Variants in CARMIL3 observed in about 807,000 individuals in gnomAD.
CARMIL3 encodes the protein capping protein regulator and myosin 1 linker 3, also known as capping protein, Arp2/3 and myosin-I linker protein 3.
CARMIL3 carries 88 observed loss-of-function variants against 180.8 expected under a neutral mutation model. That is an observed-to-expected ratio of 0.49 (90% CI 0.41 to 0.58). CARMIL3 has a LOEUF of 0.58. Ranked by LOEUF, CARMIL3 falls within the 20% of genes least tolerant of loss-of-function variation. The pLI, the probability that CARMIL3 is intolerant of heterozygous loss-of-function variation, is 0.00. For missense variants in CARMIL3, 1,548 were observed against 1,787.0 expected (o/e 0.87, Z 2.41); for synonymous variants, 696 against 714.5 (o/e 0.97, Z 0.41).
Position 24,055,221 on chromosome 14 carries a change from G to A in CARMIL3, c.532-16G>A. The A allele has an allele frequency of 6.2e-7, 1 of 1,614,032 alleles. No individual in the cohort carries two copies. The highest frequency in any genetic ancestry group is 8.5e-7 in the Non-Finnish European group (1 of 1,179,900). ...GGAAGTGGGGAGCAGGTGTGAGCCA[G>A]TTCCACCTCTCCAAGGATGTGGACA... On this transcript the variant is annotated splice_polypyrimidine_tract_variant and intron_variant, in intron 7 of 39. Coordinates refer to ENST00000342740, the MANE Select transcript of CARMIL3 (RefSeq NM_138360.4).
intron 30 of CARMIL3, 67 bp from the exon 31 acceptor site, chr14:24,063,258 C>T: frequency 1.3e-6 from 2 of 1,592,672 alleles, no homozygotes; most frequent in Admixed American, 3.4e-5. Flanking sequence ...TTGATTTTTT[C>T]TCTGTCTCCC....
Position 24,055,682 on chromosome 14 carries a change from G to C in CARMIL3, c.682-19G>C. On this transcript the variant is annotated intron_variant, in intron 9 of 39. Coordinates refer to ENST00000342740, the MANE Select transcript of CARMIL3 (RefSeq NM_138360.4). The stretch of plus-strand genomic sequence containing the variant: ...TGCCCCCCTTGGCCCCTGATCACAA[G>C]ACCCCCCTCTGTCCTCAGGGCTCTG... 6.2e-7 allele frequency: 1 copy of C among 1,613,934 alleles called. No homozygotes were observed. Among genetic ancestry groups the C allele is most frequent in the Non-Finnish European group, 8.5e-7 (1 of 1,179,858 alleles).
chr14:24,061,057 G>A lies in CARMIL3; in HGVS notation c.2304+17G>A. 6.5e-7 allele frequency: 1 copy of A among 1,548,004 alleles called. No individual in the cohort carries two copies. Among genetic ancestry groups the A allele is most frequent in the Non-Finnish European group, 8.7e-7 (1 of 1,143,856 alleles). On this transcript the variant is annotated intron_variant, in intron 26 of 39. Coordinates refer to ENST00000342740, the MANE Select transcript of CARMIL3 (RefSeq NM_138360.4). This position sits in a 1 kb window ranked among gnomAD's most constrained non-coding sequence, Gnocchi z 4.1. ...GAGCTGCAGGCAAGTCCTGGAGGAGGGAGGAATCCATGGTGGGAACCTAGT... is the reference window on the plus strand; with the variant it reads ...GAGCTGCAGGCAAGTCCTGGAGGAGAGAGGAATCCATGGTGGGAACCTAGT...
Position 24,060,252 on chromosome 14 carries a change from G to C in CARMIL3, c.2058G>C (p.Glu686Asp). The C allele has an allele frequency of 6.2e-7, 1 of 1,614,136 alleles. No individual in the cohort carries two copies. Among genetic ancestry groups the C allele is most frequent in the Non-Finnish European group, 8.5e-7 (1 of 1,180,024 alleles). Residue 686 changes from glutamate to aspartate, a missense_variant, in exon 24 of 40, where the codon GAG (glutamate) becomes GAC (aspartate). Coordinates refer to ENST00000342740, the MANE Select transcript of CARMIL3 (RefSeq NM_138360.4). Reference sequence around the variant, plus strand: ...AGGGCCTGGTGACCAGCAGCGCCGAGCAAGTAAACGTTTCCCTCTGGGACA... The same window carrying C: ...AGGGCCTGGTGACCAGCAGCGCCGACCAAGTAAACGTTTCCCTCTGGGACA... Reference protein sequence around the residue: ...LQQGLVTSSAEQMLQRLCGRV... With the variant: ...LQQGLVTSSADQMLQRLCGRV...
chr14:24,053,633 T>A, intron 1 of CARMIL3, 76 bp from the exon 2 acceptor site: 1 of 1,088,116 alleles, frequency 9.2e-7, no homozygotes. Flanking sequence ...TGACCCTGCC[T>A]CTATCTGGAG....
chr14:24,058,587 T>C lies in CARMIL3; in HGVS notation c.1393-93T>C, dbSNP rs1010996341. 18 of 980,426 alleles carry C rather than the reference T, an allele frequency of 1.8e-5. No individual in the cohort carries two copies. The highest frequency in any genetic ancestry group is 2.6e-5 in the Non-Finnish European group (17 of 651,568). The allele number at this position is 980,426 out of a possible 1,614,324, so 60.7% of individuals were successfully genotyped here. A position where few individuals can be genotyped will look rare whatever the true frequency, so the allele number is the denominator to read the frequency against. Reference sequence around the variant, plus strand: ...TTTACACCCAGATCCTGGCATGACTTTGAGTTCTGGTGTGACTACTATATC... The same window carrying C: ...TTTACACCCAGATCCTGGCATGACTCTGAGTTCTGGTGTGACTACTATATC... On this transcript the variant is annotated intron_variant, in intron 17 of 39. Transcript: ENST00000342740. The surrounding 1 kb of genome is among the most constrained non-coding windows in gnomAD (Gnocchi z 6.4).
chr14:24,054,935 A>G lies in CARMIL3; in HGVS notation c.460+127A>G. On this transcript the variant is annotated intron_variant, in intron 6 of 39. Coordinates refer to ENST00000342740, the MANE Select transcript of CARMIL3 (RefSeq NM_138360.4). The surrounding 1 kb of genome is among the most constrained non-coding windows in gnomAD (Gnocchi z 5.1). Reference sequence around the variant, plus strand: ...TGCCTGAAGGACTCCCAGCTCCCAGACCTCAGGAAGTTCATGGCATAGCAA... The same window carrying G: ...TGCCTGAAGGACTCCCAGCTCCCAGGCCTCAGGAAGTTCATGGCATAGCAA... 4 of 1,378,242 alleles carry G rather than the reference A, an allele frequency of 2.9e-6. 1 individual carries two copies. Among genetic ancestry groups the G allele is most frequent in the Non-Finnish European group, 4.1e-6 (4 of 984,596 alleles). 85.4% of individuals were successfully genotyped at this position (1,378,242 alleles called of 1,614,324 possible). A position where few individuals can be genotyped will look rare whatever the true frequency, so the allele number is the denominator to read the frequency against.
intron 34 of CARMIL3, 80 bp from the exon 35 acceptor site, chr14:24,066,318 T>A (rs1225108024): frequency 6.7e-7 from 1 of 1,502,074 alleles, no homozygotes; most frequent in African/African-American, 1.4e-5. Flanking sequence ...GACATGGAGA[T>A]GCTAGAGCAG....
At chr14:24,066,348 G>A in intron 34 of CARMIL3, 50 bp from the exon 35 acceptor site, 1 of 1,599,930 alleles carries the variant, frequency 6.3e-7, no homozygotes, top group Non-Finnish European at 8.5e-7. Context: ...GTCAGCTGCA[G>A]TCCTGCCACA....
intron 14 of CARMIL3, among the ~76,000 whole-genome samples, chr14:24,057,495 A>C (rs1439847753): frequency 1.3e-5 from 2 of 152,104 alleles, no homozygotes; most frequent in Non-Finnish European, 2.9e-5. Context: ...TGGCTCCACC[A>C]GGGGAATGGA....
chr14:24,061,586 T>A lies in CARMIL3; in HGVS notation c.2394T>A (p.Asn798Lys), dbSNP rs1566541317. The change falls in exon 27 of 40, where the codon AAT becomes AAA. Residue 798 changes from asparagine to lysine, a missense_variant. Physicochemically the swap from Asn to Lys is moderately conservative, Grantham distance 94 (BLOSUM62 0). Transcript: ENST00000342740. The surrounding 1 kb of genome is among the most constrained non-coding windows in gnomAD (Gnocchi z 4.1). ...AGGGACACAACAAGATGCTGAGCAA[T>A]GTGGCGGAGCGTGTCACTGTGCCCC... ...VAEGHNKMLS[N>K]VAERVTVPRN... is the part of the protein sequence containing the mutation. 8 of 1,613,834 alleles carry A rather than the reference T, an allele frequency of 5.0e-6. No homozygotes were observed. Among genetic ancestry groups the A allele is most frequent in the Non-Finnish European group, 6.8e-6 (8 of 1,179,986 alleles).
rs1350845578 is a variant in CARMIL3, at chr14:24,056,931, C to T, written c.969C>T (p.Gly323=). The change falls in exon 13 of 40, where the codon GGC becomes GGT. Residue 323 remains glycine (G), a synonymous_variant. Coordinates refer to ENST00000342740, the MANE Select transcript of CARMIL3 (RefSeq NM_138360.4). The stretch of plus-strand genomic sequence containing the variant: ...TGTGCTCAGGGCTCCAGGCACTCGG[C>T]CAGACCTTCGGGGCAAACCCAGCAT... ...AISPRGLQAL[G]QTFGANPAFA... 6.2e-7 allele frequency: 1 copy of T among 1,613,910 alleles called. No homozygotes were observed. The highest frequency in any genetic ancestry group is 8.5e-7 in the Non-Finnish European group (1 of 1,180,004).
intron 14 of CARMIL3, 75 bp downstream of exon 14, chr14:24,057,319 A>G: frequency 1.5e-6 from 2 of 1,345,540 alleles, no homozygotes; most frequent in Non-Finnish European, 2.1e-6. Context: ...CTCACCCCCT[A>G]TCCCTGAGTA....
intron 1 of CARMIL3, among the ~76,000 whole-genome samples, 162 bp downstream of exon 1, chr14:24,052,355 C>T (rs2035625676): frequency 6.6e-6 from 1 of 152,208 alleles, no homozygotes; most frequent in Admixed American, 6.5e-5. Context: ...TCGCTGTCCC[C>T]GGAGCATCCT....
In CARMIL3 at chr14:24,058,657, C is replaced by T. The variant is rs1442751209; in HGVS notation, c.1393-23C>T. On this transcript the variant is annotated intron_variant, in intron 17 of 39. Transcript: ENST00000342740. This position sits in a 1 kb window ranked among gnomAD's most constrained non-coding sequence, Gnocchi z 6.4. ...TACCCCCACCCCAACCCCTGCCTTC[C>T]CTACCTCACCTTGTCCCTGCAGCTC... The T allele has an allele frequency of 1.2e-6, 2 of 1,611,956 alleles. No homozygotes were observed. Among genetic ancestry groups the T allele is most frequent in the African/African-American group, 2.7e-5 (2 of 74,898 alleles).
At chr14:24,052,243 AC>A (rs1331719700) in intron 1 of CARMIL3, 50 bp downstream of exon 1, 2 of 1,530,498 alleles carry the variant, frequency 1.3e-6, no homozygotes, top group African/African-American at 2.8e-5. Flanking sequence ...AGCATCCCAG[AC>A]CCAGCGCGTT....
rs747792514 is a variant in CARMIL3 at position 24,065,031 on chromosome 14, C to T, written c.3154C>T (p.Arg1052Cys). 20 of 1,610,618 alleles carry T rather than the reference C, an allele frequency of 1.2e-5. No individual in the cohort carries two copies. In the South Asian group the frequency reaches 1.3e-4, roughly 11 times the overall value. Residue 1052 changes from arginine (R) to cysteine (C), a missense_variant, in exon 33 of 40, where the codon CGC (arginine) becomes TGC (cysteine). Physicochemically the swap from Arg to Cys is radical, Grantham distance 180. Transcript: ENST00000342740. ...APLPPLQKKR[R>C]RGLFHFRRPR... ...GCTGCCTCCACTCCAGAAGAAGAGG[C>T]GCCGGGGCCTGTTTCACTTTCGCCG...
chr14:24,054,132 G>C lies in CARMIL3; in HGVS notation c.180G>C (p.Pro60=). 6.2e-7 allele frequency: 1 copy of C among 1,614,152 alleles called. No homozygotes were observed. Among genetic ancestry groups the C allele is most frequent in the Non-Finnish European group, 8.5e-7 (1 of 1,180,026 alleles). ...WRLHLFLLKV[P]AKVESSFNVL... ...TCCACCTCTTCCTCCTTAAAGTCCC[G>C]GCCAAGGTGAGTTGGGCTGAGGAGC... The change falls in exon 3 of 40, where the codon CCG becomes CCC. Residue 60 remains proline, a synonymous_variant. Coordinates refer to ENST00000342740, the MANE Select transcript of CARMIL3 (RefSeq NM_138360.4). This position sits in a 1 kb window ranked among gnomAD's most constrained non-coding sequence, Gnocchi z 5.1.
At position 24,059,339 on chromosome 14, in the gene CARMIL3, G is replaced by A. The variant is rs1232365401; in HGVS notation, c.1696G>A (p.Gly566Ser). Reference protein sequence around the residue: ...LRTSILINALGSNTCLAKVDL... With the variant: ...LRTSILINALSSNTCLAKVDL... ...CACCAGCATCCTCATCAATGCCCTG[G>A]GCAGCAACACCTGCCTGGCCAAGGT... The change falls in exon 21 of 40, where the codon GGC becomes AGC. Residue 566 changes from glycine to serine, a missense_variant. Coordinates refer to ENST00000342740, the MANE Select transcript of CARMIL3 (RefSeq NM_138360.4). The surrounding 1 kb of genome is among the most constrained non-coding windows in gnomAD (Gnocchi z 6.3). 6.2e-7 allele frequency: 1 copy of A among 1,613,978 alleles called. No individual in the cohort carries two copies. Among genetic ancestry groups the A allele is most frequent in the African/African-American group, 1.3e-5 (1 of 75,036 alleles).
Sources: gnomAD v4.1 joint callset for allele counts (sites outside exome capture counted in the v4.1 genomes callset) on GRCh38, gnomAD v4.1.1 for gene constraint, Gnocchi (gnomAD v3.1) non-coding constraint, MANE v1.5 for transcripts, NCBI Gene and HGNC (gene_info 2026-07-23, HGNC 2026-07-21) for gene names.